SEMA6D: variants seen among roughly 807,000 people sequenced by gnomAD.
The protein encoded by SEMA6D is semaphorin-6D.
SEMA6D carries 35 observed loss-of-function variants against 106.6 expected under a neutral mutation model. The ratio of observed to expected loss-of-function variants is 0.33; its 90% CI spans 0.25 to 0.44. The LOEUF is 0.44. Among genes scored for constraint, SEMA6D ranks in the 20% least tolerant of loss-of-function variants. SEMA6D has a pLI of 1.00. For missense variants in SEMA6D, 1,185 were observed against 1,345.9 expected (o/e 0.88, Z 1.87); for synonymous variants, 499 against 487.7 (o/e 1.02, Z -0.31).
intron 1 of SEMA6D, among the ~76,000 whole-genome samples, chr15:47,734,922 A>G (rs1470091882): frequency 1.3e-5 from 2 of 152,186 alleles, no homozygotes; most frequent in Admixed American, 6.5e-5. Flanking sequence ...TGGTTTTTAA[A>G]ATATAAAATC....
chr15:47,273,352 T>C (rs2034647523), intron 1 of SEMA6D, among the ~76,000 whole-genome samples: 1 of 152,118 alleles, frequency 6.6e-6, no homozygotes, highest in African/African-American at 2.4e-5. Context: ...TTAATTTTAA[T>C]AGAGACTACC....
chr15:47,443,580 T>C (rs1474063383), intron 2 of SEMA6D, among the ~76,000 whole-genome samples: 9 of 152,098 alleles, frequency 5.9e-5, no homozygotes, highest in African/African-American at 2.2e-4. Flanking sequence ...ACCACCCAGC[T>C]AAGAGCTTCT....
At chr15:47,505,593 A>G (rs1253472567) in intron 3 of SEMA6D, among the ~76,000 whole-genome samples, 1 of 152,212 alleles carries the variant, frequency 6.6e-6, no homozygotes. Flanking sequence ...CCTTGTTCTT[A>G]GGACATGCAT....
intron 4 of SEMA6D, among the ~76,000 whole-genome samples, chr15:47,615,395 C>CA (rs2076988665): frequency 6.6e-6 from 1 of 152,168 alleles, no homozygotes; most frequent in African/African-American, 2.4e-5. Flanking sequence ...ACCAATGGCA[C>CA]AGATACCAAG....
chr15:47,530,357 A>G (rs1301746035), intron 3 of SEMA6D, among the ~76,000 whole-genome samples: 2 of 152,240 alleles, frequency 1.3e-5, no homozygotes, highest in Non-Finnish European at 2.9e-5. Context: ...AAATGCATTA[A>G]TAGATTTCAT....
At chr15:47,752,609 A>T (rs1479925608) in intron 1 of SEMA6D, among the ~76,000 whole-genome samples, 1 of 152,164 alleles carries the variant, frequency 6.6e-6, no homozygotes, top group Non-Finnish European at 1.5e-5. Context: ...GATGGACAGT[A>T]CTTAAATGGT....
chr15:47,741,880 A>G (rs1455436881), intron 1 of SEMA6D, among the ~76,000 whole-genome samples: 2 of 152,250 alleles, frequency 1.3e-5, no homozygotes, highest in Non-Finnish European at 2.9e-5. Flanking sequence ...AGAGGAAGAC[A>G]GGAGGTAGAT....
chr15:47,752,738 G>A (rs1385979914), intron 1 of SEMA6D, among the ~76,000 whole-genome samples: 2 of 151,730 alleles, frequency 1.3e-5, no homozygotes, highest in African/African-American at 4.8e-5. Context: ...GCTGGGCACA[G>A]TGGCTCACGC....
intron 4 of SEMA6D, among the ~76,000 whole-genome samples, chr15:47,661,427 A>G (rs1007282176): frequency 1.3e-5 from 2 of 152,234 alleles, no homozygotes; most frequent in African/African-American, 2.4e-5. Flanking sequence ...TTTGGCTTTG[A>G]TACCTTGGCA....
chr15:47,448,843 C>T (rs1361974401), intron 2 of SEMA6D, among the ~76,000 whole-genome samples: 2 of 152,096 alleles, frequency 1.3e-5, no homozygotes, highest in African/African-American at 4.8e-5. Flanking sequence ...GCCTGTGCCT[C>T]AAGCAGGGGG....
intron 3 of SEMA6D, among the ~76,000 whole-genome samples, chr15:47,492,769 G>A (rs1361525117): frequency 1.3e-5 from 2 of 152,064 alleles, no homozygotes; most frequent in Non-Finnish European, 2.9e-5. Context: ...AACTATAACC[G>A]CTGCCCCTTA....
chr15:47,434,443 T>A (rs149066924), intron 2 of SEMA6D, among the ~76,000 whole-genome samples: 19 of 152,066 alleles, frequency 1.2e-4, no homozygotes, highest in African/African-American at 4.6e-4. Flanking sequence ...AAAGCAGATA[T>A]TTTTTTTCTT....
At chr15:47,242,552 T>C (rs2032975347) in intron 1 of SEMA6D, among the ~76,000 whole-genome samples, 2 of 152,186 alleles carry the variant, frequency 1.3e-5, no homozygotes, top group South Asian at 2.1e-4. Context: ...ATAGGGCATA[T>C]GCATATGTAT....
intron 4 of SEMA6D, among the ~76,000 whole-genome samples, chr15:47,709,356 A>G (rs2078972762): frequency 6.6e-6 from 1 of 152,060 alleles, no homozygotes; most frequent in Non-Finnish European, 1.5e-5. Context: ...CACCTTAATA[A>G]ACAGTCCCTT....
rs934540904 is a variant in SEMA6D at position 47,560,779 on chromosome 15, T to C, written c.-86-40086T>C. Among the ~76,000 whole-genome samples the C allele has an allele frequency of 2.0e-5, 3 of 152,146 alleles. No homozygotes were observed. The South Asian group carries it at 6.2e-4, about 32-fold the overall frequency. On this transcript the variant is annotated intron_variant, in intron 3 of 19. Coordinates refer to the SEMA6D transcript ENST00000558014. ...TATCTCTGTGTGCCCTAGTCCAGTA[T>C]TATTGTGTCCTTATAAAAGGGGGAA...
chr15:47,326,102 T>G (rs2037121217), intron 1 of SEMA6D, among the ~76,000 whole-genome samples: 1 of 152,130 alleles, frequency 6.6e-6, no homozygotes. Context: ...CTGTACTGCA[T>G]TGGAGGGGAA....
chr15:47,301,482 A>G (rs2036015352), intron 1 of SEMA6D, among the ~76,000 whole-genome samples: 1 of 152,230 alleles, frequency 6.6e-6, no homozygotes, highest in South Asian at 2.1e-4. Context: ...ACAGGTAGCT[A>G]CTGCTCTTCC....
chr15:47,641,846 C>T (rs1435870808), intron 4 of SEMA6D, among the ~76,000 whole-genome samples: 3 of 152,124 alleles, frequency 2.0e-5, no homozygotes, highest in African/African-American at 7.2e-5. Context: ...AAACACTCAC[C>T]CAAAATGTCA....
intron 1 of SEMA6D, among the ~76,000 whole-genome samples, chr15:47,314,597 C>CAAAAAAAAAAAAAAAAAAA (rs764929520): frequency 8.2e-5 from 2 of 24,298 alleles, no homozygotes; most frequent in Non-Finnish European, 1.1e-4. Flanking sequence ...GACTCCATCT[C>CAAAAAAAAAAAAAAAAAAA]AAAAAAAAAA....
Sources: gnomAD v4.1 joint callset for allele counts (sites outside exome capture counted in the v4.1 genomes callset) on GRCh38, gnomAD v4.1.1 for gene constraint, MANE v1.5 for transcripts, NCBI Gene and HGNC (gene_info 2026-07-23, HGNC 2026-07-21) for gene names.